Variants in ODAD2 observed in about 807,000 individuals in gnomAD.
The protein encoded by ODAD2 is outer dynein arm-docking complex subunit 2.
A neutral mutation model predicts 106.8 loss-of-function variants in ODAD2; 89 were observed. That is an observed-to-expected ratio of 0.83 (90% CI 0.70 to 0.99). The LOEUF is 0.99. Among genes scored for constraint, ODAD2 ranks in the 50% least tolerant of loss-of-function variants. The probability of loss-of-function intolerance (pLI) is 0.00; values close to 1 mark genes in which losing one functional copy is unlikely to be tolerated. For synonymous variants in ODAD2, 404 were observed against 436.2 expected (o/e 0.93, Z 0.92); for missense variants, 1,168 against 1,238.5 (o/e 0.94, Z 0.85).
At chr10:27,835,302 A>G (rs1375450609) in intron 19 of ODAD2, among the ~76,000 whole-genome samples, 1 of 152,212 alleles carries the variant, frequency 6.6e-6, no homozygotes, top group African/African-American at 2.4e-5. Context: ...GAGTTGGTTC[A>G]ATGTACAGGA....
rs371578704 is a variant in ODAD2 at position 27,855,622 on chromosome 10, C to G, written c.3021+5003G>C. On this transcript the variant is annotated intron_variant, in intron 19 of 19. Transcript: ENST00000305242. ...ATCTAAAATCCGTTTACTTGACTCA[C>G]AAACATTAACAGTATTTTTTTGTCC... Among the ~76,000 whole-genome samples the G allele has an allele frequency of 2.2e-4, 34 of 152,314 alleles. No individual in the cohort carries two copies. In the East Asian group the frequency reaches 6.4e-3, roughly 28 times the overall value.
chr10:27,901,714 A>G (rs1843219434), intron 17 of ODAD2, among the ~76,000 whole-genome samples: 1 of 152,208 alleles, frequency 6.6e-6, no homozygotes. Context: ...AAAGACAAAA[A>G]AGGGCATTGC....
chr10:27,972,435 T>C (rs1224131099), intron 7 of ODAD2, among the ~76,000 whole-genome samples: 1 of 152,146 alleles, frequency 6.6e-6, no homozygotes, highest in African/African-American at 2.4e-5. Context: ...ACTATATTAG[T>C]AGTTACATCA....
At chr10:27,964,009 G>C (rs1427849392) in intron 9 of ODAD2, among the ~76,000 whole-genome samples, 4 of 152,168 alleles carry the variant, frequency 2.6e-5, no homozygotes, top group Non-Finnish European at 5.9e-5. Context: ...ATTGCTTGAA[G>C]TTGGGAGTTT....
At chr10:27,837,819 T>C (rs908196538) in intron 19 of ODAD2, among the ~76,000 whole-genome samples, 3 of 152,234 alleles carry the variant, frequency 2.0e-5, no homozygotes, top group Non-Finnish European at 2.9e-5. Flanking sequence ...ACCATAAGGA[T>C]AAGCCATTGT....
intron 19 of ODAD2, among the ~76,000 whole-genome samples, chr10:27,838,330 TA>T (rs1373220572): frequency 3.9e-5 from 6 of 152,250 alleles, no homozygotes; most frequent in Non-Finnish European, 8.8e-5. Context: ...AGCTGAAGGC[TA>T]AAAATAATGA....
At chr10:27,974,875 T>C (rs1849093878) in intron 7 of ODAD2, among the ~76,000 whole-genome samples, 1 of 152,200 alleles carries the variant, frequency 6.6e-6, no homozygotes, top group Non-Finnish European at 1.5e-5. Flanking sequence ...TCCATGAGCA[T>C]AGGATGTTTT....
intron 10 of ODAD2, among the ~76,000 whole-genome samples, chr10:27,950,192 C>T (rs1045206855): frequency 6.6e-6 from 1 of 152,150 alleles, no homozygotes; most frequent in Non-Finnish European, 1.5e-5. Context: ...GCAAGAAAAG[C>T]AAACCCCTGC....
intron 9 of ODAD2, among the ~76,000 whole-genome samples, chr10:27,966,142 C>T (rs1194063575): frequency 6.6e-6 from 1 of 152,124 alleles, no homozygotes; most frequent in Non-Finnish European, 1.5e-5. Flanking sequence ...CCAATTTTTG[C>T]ACTTCCAAAA....
At chr10:27,871,562 C>G (rs550635740) in intron 17 of ODAD2, among the ~76,000 whole-genome samples, 1 of 152,242 alleles carries the variant, frequency 6.6e-6, no homozygotes, top group African/African-American at 2.4e-5. Flanking sequence ...CCAGTTTCAC[C>G]TTTCTACATA....
At chr10:27,893,939 C>T (rs1459985306) in intron 17 of ODAD2, among the ~76,000 whole-genome samples, 1 of 152,076 alleles carries the variant, frequency 6.6e-6, no homozygotes, top group Non-Finnish European at 1.5e-5. Context: ...CACCTGGAGC[C>T]TGGAGTTTGA....
chr10:27,974,869 T>C (rs1001320100), intron 7 of ODAD2, among the ~76,000 whole-genome samples: 7 of 152,204 alleles, frequency 4.6e-5, no homozygotes, highest in Admixed American at 2.6e-4. Flanking sequence ...TTTCAATCCA[T>C]GAGCATAGGA....
chr10:27,845,506 G>A (rs1301941950), intron 19 of ODAD2, among the ~76,000 whole-genome samples: 2 of 152,136 alleles, frequency 1.3e-5, no homozygotes, highest in Non-Finnish European at 2.9e-5. Flanking sequence ...GGAAGAAACT[G>A]CATCAACTAA....
intron 16 of ODAD2, among the ~76,000 whole-genome samples, chr10:27,927,385 T>A (rs898437874): frequency 3.0e-4 from 46 of 152,242 alleles, no homozygotes; most frequent in African/African-American, 8.9e-4. Flanking sequence ...AAGATTTACA[T>A]AGGAGAGAGG....
chr10:27,879,902 T>C (rs1841587902), intron 17 of ODAD2, among the ~76,000 whole-genome samples: 1 of 152,226 alleles, frequency 6.6e-6, no homozygotes, highest in Admixed American at 6.5e-5. Flanking sequence ...CCAATTTTCA[T>C]ATTAAATAGT....
At chr10:27,814,590 T>A (rs2132774471) in intron 19 of ODAD2, among the ~76,000 whole-genome samples, 1 of 152,308 alleles carries the variant, frequency 6.6e-6, no homozygotes, top group Middle Eastern at 3.4e-3. Flanking sequence ...CTGACCACAA[T>A]GTCTCCTCCC....
chr10:27,812,203 C>T lies in ODAD2; in HGVS notation c.*309G>A, dbSNP rs1835796001. On this transcript the variant is annotated 3_prime_UTR_variant, in exon 20 of 20. Transcript: ENST00000305242. Reference sequence around the variant, plus strand: ...CATATCCTTTTTATTAAAATCGCCACAAATACAAAAGCATCACTGAACTAA... The same window carrying T: ...CATATCCTTTTTATTAAAATCGCCATAAATACAAAAGCATCACTGAACTAA... 3.4e-6 allele frequency: 1 copy of T among 296,650 alleles called. No individual in the cohort carries two copies. Among genetic ancestry groups the T allele is most frequent in the South Asian group, 4.3e-5 (1 of 23,468 alleles). 18.4% of individuals were successfully genotyped at this position (296,650 alleles called of 1,614,324 possible).
At chr10:27,943,122 CA>C (rs1310351302) in intron 12 of ODAD2, among the ~76,000 whole-genome samples, 1 of 152,170 alleles carries the variant, frequency 6.6e-6, no homozygotes, top group African/African-American at 2.4e-5. Context: ...GGGTGAGACA[CA>C]AGATCTATTG....
intron 16 of ODAD2, among the ~76,000 whole-genome samples, chr10:27,922,930 AAAAC>A (rs768646396): frequency 5.3e-5 from 8 of 151,804 alleles, no homozygotes; most frequent in South Asian, 4.2e-4. Flanking sequence ...AAATAAAACA[AAAAC>A]AAACAAACAA....
Sources: gnomAD v4.1 joint callset for allele counts (sites outside exome capture counted in the v4.1 genomes callset) on GRCh38, gnomAD v4.1.1 for gene constraint, MANE v1.5 for transcripts, NCBI Gene and HGNC (gene_info 2026-07-23, HGNC 2026-07-21) for gene names.